Variants in ENTR1 observed in about 807,000 individuals in gnomAD.
The protein encoded by ENTR1 is endosome associated trafficking regulator 1.
ENTR1 carries 47 observed loss-of-function variants against 47.9 expected under a neutral mutation model. That is an observed-to-expected ratio of 0.98 (90% CI 0.78 to 1.25). The LOEUF (loss-of-function observed/expected upper bound fraction) is 1.25. Among genes scored for constraint, ENTR1 ranks in the 50% most tolerant of loss-of-function variants. The pLI is 0.00. For missense variants in ENTR1, 668 were observed against 570.5 expected (o/e 1.17, Z -1.74); for synonymous variants, 290 against 245.8 (o/e 1.18, Z -1.68).
rs545262297 is a variant in ENTR1 at position 136,401,982 on chromosome 9, A to C, written c.*806T>G. 1 of 152,500 alleles carries C rather than the reference A, an allele frequency of 6.6e-6. No individual in the cohort carries two copies. Among genetic ancestry groups the C allele is most frequent in the South Asian group, 2.1e-4 (1 of 4,830 alleles). 9.4% of individuals were successfully genotyped at this position (152,500 alleles called of 1,614,324 possible). A position where few individuals can be genotyped will look rare whatever the true frequency, so the allele number is the denominator to read the frequency against. The stretch of plus-strand genomic sequence containing the variant: ...TATCAATTGGAACAGGAGGAAAAAA[A>C]AGTTTTAAAAAAAATCTATAGGAAA... On this transcript the variant is annotated 3_prime_UTR_variant, in exon 10 of 10. Transcript: ENST00000357365.
Position 136,410,578 on chromosome 9 carries a change from G to A in ENTR1, c.-181C>T. 2.5e-6 allele frequency: 3 copies of A among 1,189,136 alleles called. No homozygotes were observed. Among genetic ancestry groups the A allele is most frequent in the Non-Finnish European group, 3.2e-6 (3 of 940,710 alleles). 73.7% of individuals were successfully genotyped at this position (1,189,136 alleles called of 1,614,324 possible). ...TGCTTCCGCTCCGAGCACCGAAAGCGCGTGCCTGAACGCCTTGGGCCGTCG... is the reference window on the plus strand; with the variant it reads ...TGCTTCCGCTCCGAGCACCGAAAGCACGTGCCTGAACGCCTTGGGCCGTCG... On this transcript the variant is annotated 5_prime_UTR_variant, in exon 1 of 10. Coordinates refer to ENST00000357365, the MANE Select transcript of ENTR1 (RefSeq NM_001039707.2).
At chr9:136,406,759 G>A (rs968165850) in intron 5 of ENTR1, among the ~76,000 whole-genome samples, 1 of 152,032 alleles carries the variant, frequency 6.6e-6, no homozygotes, top group African/African-American at 2.4e-5. Context: ...TTACAGGCGT[G>A]AGCCACGGCG....
intron 9 of ENTR1, 141 bp from the exon 10 acceptor site, chr9:136,403,028 G>A: frequency 2.0e-6 from 1 of 488,868 alleles, no homozygotes; most frequent in Non-Finnish European, 3.5e-6. Context: ...GGTTCTGAGT[G>A]GGAGGAAGGC....
intron 2 of ENTR1, among the ~76,000 whole-genome samples, chr9:136,409,582 C>T (rs1834975994): frequency 6.6e-6 from 1 of 152,126 alleles, no homozygotes. Flanking sequence ...GAAAGCGGCT[C>T]CTCAGCAGAT....
At chr9:136,406,691 G>A in intron 5 of ENTR1, among the ~76,000 whole-genome samples, 1 of 129,904 alleles carries the variant, frequency 7.7e-6, no homozygotes, top group Admixed American at 8.6e-5. Flanking sequence ...TGGCCAGGCT[G>A]GTCTCAAACT....
rs1132005 is a variant in ENTR1 at position 136,402,475 on chromosome 9, T to C, written c.*313A>G. On this transcript the variant is annotated 3_prime_UTR_variant, in exon 10 of 10. Coordinates refer to ENST00000357365, the MANE Select transcript of ENTR1 (RefSeq NM_001039707.2). The stretch of plus-strand genomic sequence containing the variant: ...TGTTCTGGGATGGGACTGGAAAACA[T>C]TGATTCCAGAACCACTCTTTTTCTT... 0.42 allele frequency: 95,581 copies of C among 226,588 alleles called. 20,731 individuals carry two copies. The highest frequency in any genetic ancestry group is 0.52 in the Admixed American group (9,392 of 17,918). The allele number at this position is 226,588 out of a possible 1,614,324, so 14.0% of individuals were successfully genotyped here.
rs1445410109 is a variant in ENTR1, at chr9:136,407,888, A to G, written c.340T>C (p.Phe114Leu). 1.9e-6 allele frequency: 3 copies of G among 1,613,246 alleles called. No individual in the cohort carries two copies. In the African/African-American group the frequency reaches 4.0e-5, roughly 22 times the overall value. The change falls in exon 4 of 10, where the codon TTT becomes CTT. Residue 114 changes from phenylalanine to leucine, a missense_variant. Phe to Leu is a conservative substitution (Grantham distance 22, BLOSUM62 0). Coordinates refer to ENST00000357365, the MANE Select transcript of ENTR1 (RefSeq NM_001039707.2). ...EEANPFSFRE[F>L]LKTKNLGLSK... Reference sequence around the variant, plus strand: ...AGGCCGAGGTTCTTGGTCTTCAGAAACTCTCTAAAAGAGAATGGATTTGCC... The same window carrying G: ...AGGCCGAGGTTCTTGGTCTTCAGAAGCTCTCTAAAAGAGAATGGATTTGCC...
intron 2 of ENTR1, 50 bp from the exon 3 acceptor site, chr9:136,409,117 C>T: frequency 1.9e-6 from 3 of 1,561,366 alleles, no homozygotes; most frequent in Non-Finnish European, 2.6e-6. Flanking sequence ...TCTTTATGAC[C>T]TCACATTTGG....
chr9:136,405,415 G>A, intron 6 of ENTR1: 3 of 537,070 alleles, frequency 5.6e-6, no homozygotes, highest in Non-Finnish European at 1.0e-5. Flanking sequence ...GCTCCAACAA[G>A]GTGTTTGGTG....
chr9:136,410,099 C>T lies in ENTR1; in HGVS notation c.211G>A (p.Gly71Arg), dbSNP rs192537312. The change falls in exon 2 of 10, where the codon GGA (glycine) becomes AGA (arginine). Residue 71 changes from glycine to arginine, a missense_variant. Coordinates refer to ENST00000357365, the MANE Select transcript of ENTR1 (RefSeq NM_001039707.2). Reference protein sequence around the residue: ...YVPSPVLASVGDTDFGYGKGK... With the variant: ...YVPSPVLASVRDTDFGYGKGK... Reference sequence around the variant, plus strand: ...CGCCCTCGTCTCTCACCTGTGTCTCCCACGGAAGCCAGCACCGGGCTGGGC... The same window carrying T: ...CGCCCTCGTCTCTCACCTGTGTCTCTCACGGAAGCCAGCACCGGGCTGGGC... 1,848 of 1,612,828 alleles carry T rather than the reference C, an allele frequency of 1.1e-3. 3 individuals are homozygous for T. Among genetic ancestry groups the T allele is most frequent in the Non-Finnish European group, 1.5e-3 (1,773 of 1,179,956 alleles).
intron 2 of ENTR1, among the ~76,000 whole-genome samples, chr9:136,409,348 TTTTTTTGTA>T (rs1834957765): frequency 6.6e-6 from 1 of 152,068 alleles, no homozygotes; most frequent in Non-Finnish European, 1.5e-5. Context: ...GCCCGGCTAA[TTTTTTTGTA>T]TTTTTTGTAG....
rs199604383 is a variant in ENTR1 at position 136,404,129 on chromosome 9, G to C, written c.1134C>G (p.Thr378=). ...ALRCGQGASL[T]VVKQNADVAL... is the part of the protein sequence containing the mutation. ...CCACGTCGGCGTTCTGCTTCACCAC[G>C]GTCAGGCTGGCACCCTGGCCGCACC... The change falls in exon 9 of 10, where the codon ACC becomes ACG. Residue 378 remains threonine, a synonymous_variant. Coordinates refer to ENST00000357365, the MANE Select transcript of ENTR1 (RefSeq NM_001039707.2). 10 of 1,613,358 alleles carry C rather than the reference G, an allele frequency of 6.2e-6. No individual in the cohort carries two copies. In the South Asian group the frequency reaches 1.1e-4, roughly 18 times the overall value.
At chr9:136,406,024 C>G in intron 5 of ENTR1, 46 bp from the exon 6 acceptor site, 2 of 1,463,582 alleles carry the variant, frequency 1.4e-6, no homozygotes, top group South Asian at 2.4e-5. Flanking sequence ...ATGTCTGGCT[C>G]AAAAGGGCGT....
chr9:136,408,902 T>G, intron 3 of ENTR1, 97 bp downstream of exon 3: 2 of 820,370 alleles, frequency 2.4e-6, no homozygotes, highest in Non-Finnish European at 4.2e-6. Context: ...GGGCTCCAGC[T>G]ACACCACATA....
chr9:136,405,918 C>T lies in ENTR1; in HGVS notation c.880G>A (p.Ala294Thr), dbSNP rs1271326132. The T allele has an allele frequency of 6.3e-7, 1 of 1,597,884 alleles. No individual in the cohort carries two copies. The change falls in exon 6 of 10, where the codon GCT (alanine) becomes ACT (threonine). Residue 294 changes from alanine (A) to threonine (T), a missense_variant. Transcript: ENST00000357365. ...KLNEVQSFSE[A>T]QTEMVRTLER... is the part of the protein sequence containing the mutation. Reference sequence around the variant, plus strand: ...AAGCTTACATACATTTCTGTTTGAGCTTCAGAGAAGCTCTGAACCTCATTC... The same window carrying T: ...AAGCTTACATACATTTCTGTTTGAGTTTCAGAGAAGCTCTGAACCTCATTC...
intron 7 of ENTR1, 151 bp from the exon 8 acceptor site, chr9:136,404,844 T>A: frequency 1.3e-6 from 1 of 754,822 alleles, no homozygotes; most frequent in Non-Finnish European, 2.2e-6. Flanking sequence ...GCCTCCACTC[T>A]CAGACCACCC....
chr9:136,403,041 G>C (rs554200263), intron 9 of ENTR1, among the ~76,000 whole-genome samples, 154 bp from the exon 10 acceptor site: 219 of 127,324 alleles, frequency 1.7e-3, no homozygotes, highest in African/African-American at 6.4e-3. Flanking sequence ...AGGAAGGCGA[G>C]GGTTTCCAGG....
intron 7 of ENTR1, 150 bp downstream of exon 7, chr9:136,404,941 C>G: frequency 4.3e-6 from 3 of 702,428 alleles, no homozygotes; most frequent in Non-Finnish European, 7.2e-6. Flanking sequence ...CCAGGCACAG[C>G]GAGACAGCGA....
intron 3 of ENTR1, 97 bp from the exon 4 acceptor site, chr9:136,408,035 G>A (rs1588793597): frequency 1.3e-6 from 1 of 766,432 alleles, no homozygotes; most frequent in South Asian, 1.5e-5. Flanking sequence ...GGCCACATGT[G>A]AGATCGGGCA....
Sources: gnomAD v4.1 joint callset for allele counts (sites outside exome capture counted in the v4.1 genomes callset) on GRCh38, gnomAD v4.1.1 for gene constraint, MANE v1.5 for transcripts, NCBI Gene and HGNC (gene_info 2026-07-23, HGNC 2026-07-21) for gene names.